Variants in DMD observed in about 807,000 individuals in gnomAD.
DMD encodes the protein dystrophin, also known as mutant dystrophin.
Under a neutral mutation model 330.1 loss-of-function variants are expected in DMD, and 63 were observed. That is an observed-to-expected ratio of 0.19 (90% CI 0.16 to 0.24). The LOEUF is 0.24. DMD is among the 10% of genes least tolerant of loss of function. DMD has a pLI of 1.00. For missense variants in DMD, 3,344 were observed against 2,684.1 expected, an observed-to-expected ratio of 1.25 and a Z score of -5.43; for synonymous variants, 1,223 against 959.8, an observed-to-expected ratio of 1.27 and a Z score of -5.07.
intron 9 of DMD, among the ~76,000 whole-genome samples, chrX:32,696,645 G>C (rs1303993640): frequency 9.0e-6 from 1 of 111,386 alleles, no homozygotes; most frequent in Non-Finnish European, 1.9e-5. Flanking sequence ...ATAGGCATTG[G>C]AGAAAACCTA....
chrX:31,750,611 C>T (rs1158955670), intron 51 of DMD, among the ~76,000 whole-genome samples: 3 of 110,759 alleles, frequency 2.7e-5, no homozygotes. Flanking sequence ...TCTCTCACCA[C>T]TCCTATTCAA....
At position 32,428,371 on chromosome X, in the gene DMD, T is replaced by C. The variant is rs756346110; in HGVS notation, c.4071+9870A>G. Among the ~76,000 whole-genome samples, 6 of 111,714 alleles carry C rather than the reference T, an allele frequency of 5.4e-5. No individual in the cohort carries two copies. The East Asian group carries it at 1.7e-3, about 32-fold the overall frequency. On this transcript the variant is annotated intron_variant, in intron 29 of 78. Transcript: ENST00000357033. Reference sequence around the variant, plus strand: ...CCCTAATAATACCAAATATGTGAAATGTATTGACATTTCCATGTACTTCAG... The same window carrying C: ...CCCTAATAATACCAAATATGTGAAACGTATTGACATTTCCATGTACTTCAG...
chrX:31,861,358 A>G (rs768537361), intron 48 of DMD, among the ~76,000 whole-genome samples: 4 of 110,922 alleles, frequency 3.6e-5, no homozygotes, highest in Non-Finnish European at 7.5e-5. Context: ...TGTTCTATGA[A>G]GAGCAATTTG....
At chrX:32,471,153 C>G (rs1244187497) in intron 22 of DMD, among the ~76,000 whole-genome samples, 1 of 110,815 alleles carries the variant, frequency 9.0e-6, no homozygotes, top group Non-Finnish European at 1.9e-5. Context: ...ATGGCACGCA[C>G]TATAATCCCA....
intron 55 of DMD, among the ~76,000 whole-genome samples, chrX:31,515,215 A>T (rs1039267886): frequency 1.8e-5 from 2 of 111,800 alleles, no homozygotes; most frequent in African/African-American, 6.5e-5. Context: ...TAACCATTTT[A>T]TTAACCATTA....
intron 60 of DMD, among the ~76,000 whole-genome samples, chrX:31,391,654 C>T (rs574563636): frequency 9.1e-5 from 10 of 109,627 alleles, no homozygotes; most frequent in African/African-American, 3.0e-4. Context: ...GGGCGGATCA[C>T]GAGGTCTGGA....
At chrX:33,315,054 G>T (rs914308241) in intron 1 of DMD, among the ~76,000 whole-genome samples, 7 of 110,883 alleles carry the variant, frequency 6.3e-5, no homozygotes, top group Non-Finnish European at 1.3e-4. Context: ...CCTGACCTCA[G>T]GTGATCCACC....
chrX:32,605,656 A>G, intron 12 of DMD, among the ~76,000 whole-genome samples: 1 of 111,199 alleles, frequency 9.0e-6, no homozygotes, highest in Non-Finnish European at 1.9e-5. Flanking sequence ...TATACATCTA[A>G]CAAAAAACTA....
At chrX:32,637,589 G>A (rs2059185896) in intron 11 of DMD, among the ~76,000 whole-genome samples, 1 of 111,666 alleles carries the variant, frequency 9.0e-6, no homozygotes, top group African/African-American at 3.3e-5. Flanking sequence ...AGACATAATA[G>A]AGACTGGATA....
intron 60 of DMD, among the ~76,000 whole-genome samples, chrX:31,428,311 A>G (rs2063825589): frequency 1.8e-5 from 2 of 109,343 alleles, no homozygotes; most frequent in South Asian, 8.0e-4. Flanking sequence ...GGCACCTCCC[A>G]CCCCCTCACT....
At chrX:32,612,672 G>A (rs965826935) in intron 12 of DMD, among the ~76,000 whole-genome samples, 6 of 111,543 alleles carry the variant, frequency 5.4e-5, no homozygotes, top group African/African-American at 1.9e-4. Context: ...GGTACGGTTA[G>A]AGAACTAGCA....
At chrX:31,918,928 T>C (rs957380504) in intron 47 of DMD, among the ~76,000 whole-genome samples, 6 of 112,158 alleles carry the variant, frequency 5.3e-5, no homozygotes, top group Non-Finnish European at 1.1e-4. Context: ...TGAGCCACCG[T>C]GCCCAGCCTC....
intron 45 of DMD, among the ~76,000 whole-genome samples, chrX:31,945,932 T>C (rs2095080346): frequency 8.9e-6 from 1 of 111,882 alleles, no homozygotes; most frequent in Non-Finnish European, 1.9e-5. Context: ...TTATGTGCCA[T>C]GAGTACAAAA....
intron 1 of DMD, among the ~76,000 whole-genome samples, chrX:33,303,440 T>C (rs1209769800): frequency 9.0e-6 from 1 of 111,518 alleles, no homozygotes; most frequent in Non-Finnish European, 1.9e-5. Context: ...AGAAGTTTTA[T>C]GTCTCCTAGA....
intron 11 of DMD, among the ~76,000 whole-genome samples, chrX:32,618,563 T>A (rs1374266050): frequency 9.0e-6 from 1 of 111,076 alleles, no homozygotes; most frequent in Non-Finnish European, 1.9e-5. Flanking sequence ...TAATGAGTAC[T>A]AAGCTTATAC....
At chrX:32,085,648 A>ACGCG (rs1360350380) in intron 44 of DMD, among the ~76,000 whole-genome samples, 2 of 71,631 alleles carry the variant, frequency 2.8e-5, no homozygotes, top group East Asian at 4.6e-4. Context: ...ACGTATATAT[A>ACGCG]TGTGTGTATA....
intron 63 of DMD, among the ~76,000 whole-genome samples, chrX:31,238,392 C>CT (rs758725833): frequency 2.7e-5 from 3 of 111,849 alleles, no homozygotes; most frequent in Non-Finnish European, 5.6e-5. Context: ...TAAAGCAGCC[C>CT]TTTTTTCCTA....
rs185343958 is a variant in DMD at position 32,708,393 on chromosome X, T to C, written c.650-9100A>G. ...GATCAAATCCTGACCCTATCACTAA[T>C]AGGTAAGGGACTGTGGTAAAATTCA... On this transcript the variant is annotated intron_variant, in intron 7 of 78. Transcript: ENST00000357033. Among the ~76,000 whole-genome samples the C allele has an allele frequency of 1.7e-4, 19 of 110,267 alleles. No individual in the cohort carries two copies. The East Asian group carries it at 5.4e-3, about 32-fold the overall frequency.
intron 7 of DMD, among the ~76,000 whole-genome samples, chrX:32,723,144 G>T (rs2066501163): frequency 9.0e-6 from 1 of 111,326 alleles, no homozygotes; most frequent in Non-Finnish European, 1.9e-5. Context: ...ATAATAAAAG[G>T]ATGTTTAGCT....
Sources: gnomAD v4.1 joint callset for allele counts (sites outside exome capture counted in the v4.1 genomes callset) on GRCh38, gnomAD v4.1.1 for gene constraint, MANE v1.5 for transcripts, NCBI Gene and HGNC (gene_info 2026-07-23, HGNC 2026-07-21) for gene names.